Variants in EYS observed in about 807,000 individuals in gnomAD.
EYS encodes the protein EGF-like photoreceptor maintenance factor.
In EYS, 250 loss-of-function variants were observed where a neutral mutation model predicts 282.1. The observed-to-expected ratio is 0.89, with a 90% CI of 0.80 to 0.98. The LOEUF (loss-of-function observed/expected upper bound fraction) is 0.98, where lower values mean the gene tolerates loss of function less well. EYS is among the 50% of genes least tolerant of loss of function. The pLI is 0.00. For missense variants in EYS, 4,016 were observed against 3,709.0 expected, an observed-to-expected ratio of 1.08 and a Z score of -2.15; for synonymous variants, 1,355 against 1,282.9, an observed-to-expected ratio of 1.06 and a Z score of -1.20.
intron 12 of EYS, among the ~76,000 whole-genome samples, chr6:65,139,871 C>A (rs1483475854): frequency 1.3e-5 from 2 of 152,026 alleles, no homozygotes; most frequent in Admixed American, 6.6e-5. Context: ...TGGACCTTGA[C>A]CCCTACCTGG....
chr6:65,565,948 T>C (rs1011494761), intron 2 of EYS, among the ~76,000 whole-genome samples: 2 of 151,680 alleles, frequency 1.3e-5, no homozygotes, highest in Non-Finnish European at 2.9e-5. Flanking sequence ...GGGCCTGTTG[T>C]GGGGTGGGGG....
intron 12 of EYS, among the ~76,000 whole-genome samples, chr6:65,271,243 T>C (rs1045638331): frequency 1.3e-5 from 2 of 149,250 alleles, no homozygotes; most frequent in Non-Finnish European, 3.0e-5. Context: ...CCCAGAAAAG[T>C]TGGTGGCATA....
intron 15 of EYS, among the ~76,000 whole-genome samples, chr6:64,931,808 C>G (rs1216339326): frequency 6.6e-6 from 1 of 152,168 alleles, no homozygotes; most frequent in Admixed American, 6.6e-5. Context: ...GTAATGTAAA[C>G]TTACTTATCC....
chr6:64,204,251 T>G (rs557833815), intron 31 of EYS, among the ~76,000 whole-genome samples: 1 of 152,280 alleles, frequency 6.6e-6, no homozygotes, highest in South Asian at 2.1e-4. Context: ...GTTCTTCAAA[T>G]ATCTGATTTT....
intron 22 of EYS, among the ~76,000 whole-genome samples, chr6:64,741,071 C>A (rs1354995765): frequency 6.6e-6 from 1 of 152,236 alleles, no homozygotes; most frequent in East Asian, 1.9e-4. Context: ...TTTTGATTGA[C>A]TTTGTCTAGA....
At chr6:64,390,112 C>T (rs952458825) in intron 28 of EYS, among the ~76,000 whole-genome samples, 1 of 152,104 alleles carries the variant, frequency 6.6e-6, no homozygotes, top group Admixed American at 6.5e-5. Flanking sequence ...GCACCTGGCT[C>T]CGAGGGTCCT....
At chr6:64,323,704 G>C (rs1770301368) in intron 29 of EYS, among the ~76,000 whole-genome samples, 1 of 151,978 alleles carries the variant, frequency 6.6e-6, no homozygotes, top group Non-Finnish European at 1.5e-5. Flanking sequence ...ACCTTTAATT[G>C]AAAACATCCT....
chr6:65,558,731 ACC>A (rs1337334784), intron 2 of EYS, among the ~76,000 whole-genome samples: 1 of 152,190 alleles, frequency 6.6e-6, no homozygotes, highest in African/African-American at 2.4e-5. Context: ...TTTCTACTTG[ACC>A]CCAAGATGCA....
intron 2 of EYS, among the ~76,000 whole-genome samples, chr6:65,638,599 T>C (rs1239965020): frequency 6.6e-6 from 1 of 152,184 alleles, no homozygotes; most frequent in East Asian, 1.9e-4. Flanking sequence ...TGGAAGCTGC[T>C]TGTGGTACAT....
chr6:65,623,145 G>A (rs963237561), intron 2 of EYS, among the ~76,000 whole-genome samples: 3 of 152,096 alleles, frequency 2.0e-5, no homozygotes, highest in African/African-American at 7.2e-5. Flanking sequence ...GAAAGAAAGA[G>A]TCTGAGCTCT....
intron 12 of EYS, among the ~76,000 whole-genome samples, chr6:65,187,117 C>T (rs1332564272): frequency 6.6e-6 from 1 of 151,754 alleles, no homozygotes; most frequent in Non-Finnish European, 1.5e-5. Flanking sequence ...GTTATTTAAA[C>T]ACATTCTTTA....
intron 19 of EYS, among the ~76,000 whole-genome samples, chr6:64,828,211 C>A (rs921643499): frequency 6.6e-6 from 1 of 151,604 alleles, no homozygotes; most frequent in Non-Finnish European, 1.5e-5. Context: ...AAAGGAAACA[C>A]CTGGAGGTAA....
intron 41 of EYS, among the ~76,000 whole-genome samples, chr6:63,757,405 G>A (rs1769517457): frequency 6.6e-6 from 1 of 152,046 alleles, no homozygotes; most frequent in African/African-American, 2.4e-5. Context: ...TGTTTAAGAT[G>A]TTTATTAAGA....
At chr6:63,921,992 CTG>C (rs1764585829) in intron 35 of EYS, among the ~76,000 whole-genome samples, 1 of 152,154 alleles carries the variant, frequency 6.6e-6, no homozygotes, top group African/African-American at 2.4e-5. Context: ...CCTAATAAGA[CTG>C]TGGCCTTATA....
chr6:64,649,572 T>A (rs1768483865), intron 22 of EYS, among the ~76,000 whole-genome samples: 1 of 152,122 alleles, frequency 6.6e-6, no homozygotes, highest in African/African-American at 2.4e-5. Flanking sequence ...ACTCCTAACC[T>A]CATGTTCTGC....
At chr6:65,172,862 T>C (rs907598977) in intron 12 of EYS, among the ~76,000 whole-genome samples, 24 of 151,102 alleles carry the variant, frequency 1.6e-4, no homozygotes, top group African/African-American at 4.4e-4. Flanking sequence ...AATTAAAACA[T>C]AGAAGACATA....
intron 8 of EYS, among the ~76,000 whole-genome samples, chr6:65,383,761 T>C (rs914782076): frequency 6.6e-6 from 1 of 151,886 alleles, no homozygotes; most frequent in African/African-American, 2.4e-5. Context: ...TTAATACATA[T>C]AGCTATTGTC....
At chr6:64,909,348 T>C (rs1240791426) in intron 16 of EYS, among the ~76,000 whole-genome samples, 1 of 152,176 alleles carries the variant, frequency 6.6e-6, no homozygotes, top group East Asian at 1.9e-4. Context: ...GTAAATTCAT[T>C]ACATACTAAA....
chr6:64,546,076 C>A (rs1168120246), intron 26 of EYS, among the ~76,000 whole-genome samples: 1 of 152,092 alleles, frequency 6.6e-6, no homozygotes, highest in African/African-American at 2.4e-5. Flanking sequence ...CAATCCTAAG[C>A]CAAAAGAACA....
Sources: gnomAD v4.1 joint callset for allele counts (sites outside exome capture counted in the v4.1 genomes callset) on GRCh38, gnomAD v4.1.1 for gene constraint, MANE v1.5 for transcripts, NCBI Gene and HGNC (gene_info 2026-07-23, HGNC 2026-07-21) for gene names.